Variants in COTL1 observed in about 807,000 individuals in gnomAD.
The protein encoded by COTL1 is coactosin-like protein.
Under a neutral mutation model 16.5 loss-of-function variants are expected in COTL1, and 15 were observed. The observed-to-expected ratio is 0.91, with a 90% confidence interval of 0.61 to 1.40. The LOEUF (loss-of-function observed/expected upper bound fraction) is 1.40, where lower values mean the gene tolerates loss of function less well. Ranked by LOEUF, COTL1 falls within the 40% of genes most tolerant of loss-of-function variation. The pLI, the probability that COTL1 is intolerant of heterozygous loss-of-function variation, is 0.00. For synonymous variants in COTL1, 112 were observed against 85.3 expected (o/e 1.31, Z -1.73); for missense variants, 220 against 201.5 (o/e 1.09, Z -0.56).
intron 2 of COTL1, among the ~76,000 whole-genome samples, chr16:84,609,086 A>G (rs778029734): frequency 6.6e-6 from 1 of 152,064 alleles, no homozygotes; most frequent in African/African-American, 2.4e-5. Flanking sequence ...AAAGAAAGCA[A>G]TTTCTCTCCT....
chr16:84,565,616 AC>A lies in COTL1; in HGVS notation c.*1228del, dbSNP rs1387572271. The A allele has an allele frequency of 7.9e-5, 12 of 152,738 alleles. No homozygotes were observed. The highest frequency in any genetic ancestry group is 2.1e-4 in the South Asian group (1 of 4,832). 9.5% of individuals were successfully genotyped at this position (152,738 alleles called of 1,614,324 possible). On this transcript the variant is annotated 3_prime_UTR_variant, in exon 4 of 4. Transcript: ENST00000262428. ...AACTGTTTTCTGAAAAACAAAAAAA[AC>A]ATTTATTTCTGTAAACTGTCTGAGT...
At chr16:84,612,531 C>G (rs988478650) in intron 2 of COTL1, among the ~76,000 whole-genome samples, 1 of 152,092 alleles carries the variant, frequency 6.6e-6, no homozygotes, top group South Asian at 2.1e-4. Context: ...GCCTGTAATC[C>G]CAGCATTTTG....
At chr16:84,592,111 T>C (rs1597176815) in intron 2 of COTL1, among the ~76,000 whole-genome samples, 1 of 152,226 alleles carries the variant, frequency 6.6e-6, no homozygotes, top group East Asian at 1.9e-4. Context: ...ACATTGCAGA[T>C]GTCCTCCAAA....
intron 3 of COTL1, chr16:84,568,005 C>G (rs543147345): frequency 6.6e-6 from 1 of 152,086 alleles, no homozygotes; most frequent in South Asian, 2.1e-4. Context: ...CAATGACCAC[C>G]ATTTTTCTTT....
intron 2 of COTL1, among the ~76,000 whole-genome samples, chr16:84,612,435 T>C (rs1025752799): frequency 6.6e-6 from 1 of 152,134 alleles, no homozygotes; most frequent in African/African-American, 2.4e-5. Flanking sequence ...GGACGTGTAC[T>C]GAAAGCTTCC....
At chr16:84,604,072 C>T (rs1222132052) in intron 2 of COTL1, among the ~76,000 whole-genome samples, 2 of 132,178 alleles carry the variant, frequency 1.5e-5, no homozygotes, top group African/African-American at 5.8e-5. Context: ...CACGGCCCAA[C>T]CCCATACTCC....
chr16:84,591,092 CA>C (rs1904849153), intron 2 of COTL1, among the ~76,000 whole-genome samples: 2 of 152,028 alleles, frequency 1.3e-5, no homozygotes, highest in Admixed American at 6.6e-5. Flanking sequence ...TTTTTATTAT[CA>C]TGACTTTAAA....
chr16:84,592,454 A>G (rs892923899), intron 2 of COTL1, among the ~76,000 whole-genome samples: 6 of 152,104 alleles, frequency 3.9e-5, no homozygotes, highest in African/African-American at 9.7e-5. Flanking sequence ...TCGTAGAGCG[A>G]TATGTTTGCT....
intron 3 of COTL1, among the ~76,000 whole-genome samples, chr16:84,586,465 T>G (rs955987613): frequency 3.3e-5 from 5 of 152,176 alleles, no homozygotes; most frequent in Non-Finnish European, 7.3e-5. Context: ...GGTATGAGGT[T>G]TCCTTTGGGG....
intron 2 of COTL1, among the ~76,000 whole-genome samples, chr16:84,604,603 G>C (rs945049804): frequency 2.6e-5 from 4 of 152,058 alleles, no homozygotes; most frequent in African/African-American, 9.7e-5. Flanking sequence ...CCCAGGAAGA[G>C]AGTGTGGTGT....
intron 3 of COTL1, among the ~76,000 whole-genome samples, chr16:84,585,530 ACTT>A (rs1326540555): frequency 6.6e-6 from 1 of 152,122 alleles, no homozygotes; most frequent in Non-Finnish European, 1.5e-5. Flanking sequence ...AAGCCAATCT[ACTT>A]CTTCTTCATA....
chr16:84,582,852 C>T (rs1458619827), intron 3 of COTL1, among the ~76,000 whole-genome samples: 3 of 152,010 alleles, frequency 2.0e-5, no homozygotes, highest in African/African-American at 7.3e-5. Context: ...GAGCTGATGG[C>T]GCCAGAATAT....
intron 3 of COTL1, among the ~76,000 whole-genome samples, chr16:84,584,283 T>C (rs1011099470): frequency 6.6e-6 from 1 of 152,256 alleles, no homozygotes; most frequent in African/African-American, 2.4e-5. Context: ...GTGGCCTTGC[T>C]GGCATTTGTC....
In COTL1 at chr16:84,565,949, G is replaced by A. The variant is rs1904296508; in HGVS notation, c.*896C>T. 6.6e-6 allele frequency: 1 copy of A among 152,306 alleles called. No homozygotes were observed. The highest frequency in any genetic ancestry group is 6.5e-5 in the Admixed American group (1 of 15,290). 9.4% of individuals were successfully genotyped at this position (152,306 alleles called of 1,614,324 possible). ...ACACAGAAGCTTCCTGAACCTAAGGGATCCGTTCCCAGCTCTCCTTAAATT... is the reference window on the plus strand; with the variant it reads ...ACACAGAAGCTTCCTGAACCTAAGGAATCCGTTCCCAGCTCTCCTTAAATT... On this transcript the variant is annotated 3_prime_UTR_variant, in exon 4 of 4. Coordinates refer to ENST00000262428, the MANE Select transcript of COTL1 (RefSeq NM_021149.5).
At chr16:84,577,855 TC>T in intron 3 of COTL1, among the ~76,000 whole-genome samples, 1 of 152,254 alleles carries the variant, frequency 6.6e-6, no homozygotes, top group East Asian at 1.9e-4. Context: ...AGGCGGCTGT[TC>T]CTATGCCTGG....
At chr16:84,597,482 C>T (rs1211568185) in intron 2 of COTL1, among the ~76,000 whole-genome samples, 2 of 152,150 alleles carry the variant, frequency 1.3e-5, no homozygotes, top group Non-Finnish European at 2.9e-5. Context: ...CCACAGCACC[C>T]GGGAACTTAT....
chr16:84,566,929 A>G lies in COTL1; in HGVS notation c.345T>C (p.Ser115=), dbSNP rs201571022. 2 of 1,613,898 alleles carry G rather than the reference A, an allele frequency of 1.2e-6. No homozygotes were observed. Among genetic ancestry groups the G allele is most frequent in the Non-Finnish European group, 8.5e-7 (1 of 1,179,810 alleles). Residue 115 remains serine (S), a synonymous_variant, in exon 4 of 4, where the codon AGT becomes AGC. Coordinates refer to ENST00000262428, the MANE Select transcript of COTL1 (RefSeq NM_021149.5). ...AATCTTCCTCCAGCTCCTTCCGATC[A>G]CTGATCACAAACTCCTTAGCGAAAT... The part of the protein sequence containing the change: ...VQNFAKEFVI[S]DRKELEEDFI...
At chr16:84,598,657 A>C (rs867575264) in intron 2 of COTL1, among the ~76,000 whole-genome samples, 653 of 137,410 alleles carry the variant, frequency 4.8e-3, no homozygotes, top group South Asian at 9.1e-3. Context: ...CTCCCCCCCA[A>C]CCCCCCCCAC....
chr16:84,565,926 A>AG lies in COTL1; in HGVS notation c.*918_*919insC, dbSNP rs1904296429. 2 of 152,292 alleles carry AG rather than the reference A, an allele frequency of 1.3e-5. No homozygotes were observed. The highest frequency in any genetic ancestry group is 2.9e-5 in the Non-Finnish European group (2 of 68,082). 9.4% of individuals were successfully genotyped at this position (152,292 alleles called of 1,614,324 possible). A position where few individuals can be genotyped will look rare whatever the true frequency, so the allele number is the denominator to read the frequency against. On this transcript the variant is annotated 3_prime_UTR_variant, in exon 4 of 4. Transcript: ENST00000262428. ...GGCCCAAGCCATCCTCGCAGCTTAC[A>AG]CAGAAGCTTCCTGAACCTAAGGGAT...
Sources: gnomAD v4.1 joint callset for allele counts (sites outside exome capture counted in the v4.1 genomes callset) on GRCh38, gnomAD v4.1.1 for gene constraint, MANE v1.5 for transcripts, NCBI Gene and HGNC (gene_info 2026-07-23, HGNC 2026-07-21) for gene names.